Variants in CHRM2 observed in about 807,000 individuals in gnomAD.
CHRM2 encodes muscarinic acetylcholine receptor M2.
A neutral mutation model predicts 25.0 loss-of-function variants in CHRM2; 8 were observed. That is an observed-to-expected ratio of 0.32 (90% CI 0.19 to 0.58). CHRM2 has a LOEUF of 0.58. CHRM2 is among the 20% of genes least tolerant of loss of function. The probability of loss-of-function intolerance (pLI) is 0.88; values close to 1 mark genes in which losing one functional copy is unlikely to be tolerated. For synonymous variants in CHRM2, 202 were observed against 205.7 expected (o/e 0.98, Z 0.15); for missense variants, 440 against 567.1 (o/e 0.78, Z 2.28).
At chr7:136,886,252 G>A (rs1267295268) in intron 2 of CHRM2, among the ~76,000 whole-genome samples, 3 of 152,144 alleles carry the variant, frequency 2.0e-5, no homozygotes, top group African/African-American at 7.2e-5. Flanking sequence ...GTAAGGAAGT[G>A]GGTCCATGAA....
chr7:136,968,574 C>A (rs1801559663), intron 2 of CHRM2, among the ~76,000 whole-genome samples: 1 of 151,724 alleles, frequency 6.6e-6, no homozygotes, highest in African/African-American at 2.4e-5. Flanking sequence ...GATATCTGCA[C>A]TCCAATGTTC....
intron 2 of CHRM2, among the ~76,000 whole-genome samples, chr7:136,980,462 C>A (rs1802410078): frequency 6.6e-6 from 1 of 152,172 alleles, no homozygotes; most frequent in Admixed American, 6.6e-5. Flanking sequence ...TTGCCCTGGT[C>A]AGAACTTCCA....
At chr7:136,912,523 C>G (rs1323024043) in intron 2 of CHRM2, among the ~76,000 whole-genome samples, 1 of 151,826 alleles carries the variant, frequency 6.6e-6, no homozygotes, top group Admixed American at 6.6e-5. Flanking sequence ...TCACACTTAA[C>G]AGTACCGTCA....
intron 2 of CHRM2, among the ~76,000 whole-genome samples, chr7:136,991,833 T>C (rs566086481): frequency 2.0e-5 from 3 of 152,264 alleles, no homozygotes; most frequent in East Asian, 3.9e-4. Flanking sequence ...AGTAGCTGAT[T>C]ACCATTTTTT....
chr7:136,913,944 A>G (rs1167354544), intron 2 of CHRM2, among the ~76,000 whole-genome samples: 2 of 151,978 alleles, frequency 1.3e-5, no homozygotes, highest in Non-Finnish European at 2.9e-5. Flanking sequence ...TGTGCCAAGA[A>G]CAGTGCCTTA....
chr7:136,870,797 C>T (rs1795796418), intron 2 of CHRM2: 1 of 152,296 alleles, frequency 6.6e-6, no homozygotes, highest in Non-Finnish European at 1.5e-5. Context: ...ACTGCGGCCA[C>T]CCAGGGCTCC....
At chr7:136,933,715 T>C (rs1799246756) in intron 2 of CHRM2, among the ~76,000 whole-genome samples, 1 of 152,182 alleles carries the variant, frequency 6.6e-6, no homozygotes, top group Non-Finnish European at 1.5e-5. Flanking sequence ...GATATTTCCA[T>C]AAAATGGAAT....
intron 2 of CHRM2, among the ~76,000 whole-genome samples, chr7:136,973,270 G>A (rs1370729320): frequency 4.8e-5 from 5 of 105,072 alleles, no homozygotes; most frequent in Non-Finnish European, 9.7e-5. Context: ...TGATGGTGAC[G>A]GTGTTAGGGA....
At chr7:136,881,396 A>T (rs1796260798) in intron 2 of CHRM2, among the ~76,000 whole-genome samples, 1 of 151,794 alleles carries the variant, frequency 6.6e-6, no homozygotes, top group South Asian at 2.1e-4. Context: ...TTTTCATTAA[A>T]TCAGTAAATG....
chr7:136,952,192 G>C (rs1800452806), intron 2 of CHRM2, among the ~76,000 whole-genome samples: 1 of 152,090 alleles, frequency 6.6e-6, no homozygotes, highest in African/African-American at 2.4e-5. Context: ...CCAACATTTG[G>C]AACAGGACAA....
At chr7:136,996,663 A>G (rs1451231447) in intron 3 of CHRM2, among the ~76,000 whole-genome samples, 1 of 152,182 alleles carries the variant, frequency 6.6e-6, no homozygotes. Flanking sequence ...TTAGAAATAA[A>G]TTAAGTGTCA....
chr7:136,884,283 G>A (rs1449664739), intron 2 of CHRM2, among the ~76,000 whole-genome samples: 6 of 152,040 alleles, frequency 3.9e-5, no homozygotes, highest in Admixed American at 2.0e-4. Flanking sequence ...CTGTTGTCAC[G>A]TTGAGTGCCA....
At chr7:136,894,259 G>A (rs1039586328) in intron 2 of CHRM2, among the ~76,000 whole-genome samples, 1 of 152,120 alleles carries the variant, frequency 6.6e-6, no homozygotes, top group Non-Finnish European at 1.5e-5. Flanking sequence ...TATATAAAGG[G>A]TAACATATGA....
intron 2 of CHRM2, among the ~76,000 whole-genome samples, chr7:136,905,490 C>G (rs1797485836): frequency 6.6e-6 from 1 of 151,576 alleles, no homozygotes; most frequent in Admixed American, 6.6e-5. Flanking sequence ...TTATACATAA[C>G]TAAACTATTT....
At position 136,892,616 on chromosome 7, in the gene CHRM2, T is replaced by C. The variant is rs150673546; in HGVS notation, c.-125+23198T>C. Among the ~76,000 whole-genome samples the C allele has an allele frequency of 2.6e-5, 4 of 151,356 alleles. No homozygotes were observed. In the East Asian group the frequency reaches 7.7e-4, roughly 29 times the overall value. ...AAGAAAGGTTACACATATTGAAAGA[T>C]ATCTAAAAATGATACCAAGGAAGAA... is the stretch of plus-strand genomic sequence containing the variant. On this transcript the variant is annotated intron_variant, in intron 2 of 3. Transcript: ENST00000680005.
At chr7:136,983,769 C>T (rs1014218814) in intron 2 of CHRM2, among the ~76,000 whole-genome samples, 1 of 152,202 alleles carries the variant, frequency 6.6e-6, no homozygotes, top group African/African-American at 2.4e-5. Context: ...GCAGAGGCTG[C>T]AGAACAGCAA....
chr7:136,991,304 G>T (rs139837895), intron 2 of CHRM2, among the ~76,000 whole-genome samples: 48 of 152,152 alleles, frequency 3.2e-4, no homozygotes, highest in African/African-American at 9.1e-4. Flanking sequence ...GCTAATTTTT[G>T]TGAAGGGAGT....
intron 3 of CHRM2, among the ~76,000 whole-genome samples, chr7:137,000,715 G>A (rs574179838): frequency 1.6e-3 from 239 of 151,164 alleles, no homozygotes; most frequent in African/African-American, 5.6e-3. Flanking sequence ...ATAAAATAGG[G>A]GTCTGTCTGT....
intron 2 of CHRM2, chr7:136,870,034 G>A (rs1196136010): frequency 6.6e-6 from 1 of 152,418 alleles, no homozygotes; most frequent in African/African-American, 2.4e-5. Flanking sequence ...TGGGGGAAAG[G>A]GTCCCAAGAC....
Sources: gnomAD v4.1 joint callset for allele counts (sites outside exome capture counted in the v4.1 genomes callset) on GRCh38, gnomAD v4.1.1 for gene constraint, MANE v1.5 for transcripts, NCBI Gene and HGNC (gene_info 2026-07-23, HGNC 2026-07-21) for gene names.